Variants in BTNL8 observed in about 807,000 individuals in gnomAD.
BTNL8 encodes butyrophilin-like protein 8.
Under a neutral mutation model 36.1 loss-of-function variants are expected in BTNL8, and 22 were observed. The ratio of observed to expected loss-of-function variants is 0.61; its 90% CI spans 0.44 to 0.87. BTNL8 has a LOEUF of 0.87. Ranked by LOEUF, BTNL8 falls within the 40% of genes least tolerant of loss-of-function variation. The probability of loss-of-function intolerance (pLI) is 0.00; values close to 1 mark genes in which losing one functional copy is unlikely to be tolerated. For missense variants in BTNL8, 526 were observed against 616.9 expected (o/e 0.85, Z 1.56); for synonymous variants, 203 against 235.6 (o/e 0.86, Z 1.27).
intron 3 of BTNL8, among the ~76,000 whole-genome samples, chr5:180,933,437 C>T (rs532202456): frequency 6.6e-6 from 1 of 152,166 alleles, no homozygotes; most frequent in African/African-American, 2.4e-5. Flanking sequence ...GGATTAAACT[C>T]ATAATAAGTA....
intron 3 of BTNL8, among the ~76,000 whole-genome samples, chr5:180,938,544 C>CTT (rs527307483): frequency 7.3e-6 from 1 of 137,318 alleles, no homozygotes; most frequent in African/African-American, 2.8e-5. Context: ...TCCTTTCTTT[C>CTT]TTTTTTTTTT....
intron 1 of BTNL8, among the ~76,000 whole-genome samples, chr5:180,907,900 G>A (rs1419092243): frequency 2.6e-5 from 4 of 151,746 alleles, no homozygotes; most frequent in African/African-American, 9.7e-5. Flanking sequence ...CTGCGTGCTG[G>A]GAGAACCACT....
At chr5:180,902,631 C>T (rs1319177751) in intron 1 of BTNL8, among the ~76,000 whole-genome samples, 2 of 150,234 alleles carry the variant, frequency 1.3e-5, no homozygotes, top group Admixed American at 6.6e-5. Flanking sequence ...CCCACTAACT[C>T]GTCATCTAGC....
rs1339747025 is a variant in BTNL8, at chr5:180,908,989, AGT to A, written c.397+59_397+60del. ...CCAAAGAACCATCCTGGACTTTATA[AGT>A]GTTTTTTTCAATAAGGAAATTTTAA... On this transcript the variant is annotated intron_variant, in intron 2 of 7. Transcript: ENST00000340184. The A allele has an allele frequency of 1.2e-5, 18 of 1,513,594 alleles. No individual in the cohort carries two copies. The Admixed American group carries it at 3.7e-4, about 31-fold the overall frequency. The allele number at this position is 1,513,594 out of a possible 1,614,324, so 93.8% of individuals were successfully genotyped here. A position where few individuals can be genotyped will look rare whatever the true frequency, so the allele number is the denominator to read the frequency against.
chr5:180,906,506 C>G (rs1400505931), intron 1 of BTNL8, among the ~76,000 whole-genome samples: 1 of 124,626 alleles, frequency 8.0e-6, no homozygotes, highest in Non-Finnish European at 1.6e-5. Flanking sequence ...TTAATTGGAG[C>G]ATTTAGTCCA....
intron 3 of BTNL8, among the ~76,000 whole-genome samples, chr5:180,930,278 C>A (rs1272886583): frequency 2.0e-5 from 3 of 152,158 alleles, no homozygotes; most frequent in African/African-American, 7.2e-5. Context: ...GCTAAAAACT[C>A]TCAATAAATT....
intron 1 of BTNL8, among the ~76,000 whole-genome samples, chr5:180,905,890 G>C (rs1301015295): frequency 2.0e-5 from 3 of 148,892 alleles, no homozygotes; most frequent in Non-Finnish European, 3.0e-5. Flanking sequence ...CTGAGAGATA[G>C]TTTGTTATAA....
intron 3 of BTNL8, among the ~76,000 whole-genome samples, chr5:180,918,043 A>G (rs1391089162): frequency 6.6e-6 from 1 of 151,226 alleles, no homozygotes; most frequent in Non-Finnish European, 1.5e-5. Flanking sequence ...AAAAAAAAAA[A>G]GAAATAAACA....
Position 180,911,493 on chromosome 5 carries a change from C to T in BTNL8, c.552C>T (p.Asp184=). Residue 184 remains aspartate (D), a synonymous_variant, in exon 3 of 8, where the codon GAC becomes GAT. Transcript: ENST00000340184. The stretch of plus-strand genomic sequence containing the variant: ...CCACAGACTCCAGGACAAACAGAGA[C>T]ATGCATGGCCTGTTTGATGTGGAGA... ...DLSTDSRTNR[D]MHGLFDVEIS... is the part of the protein sequence containing the mutation. 2 of 1,614,198 alleles carry T rather than the reference C, an allele frequency of 1.2e-6. No individual in the cohort carries two copies. Among genetic ancestry groups the T allele is most frequent in the Non-Finnish European group, 1.7e-6 (2 of 1,180,040 alleles).
chr5:180,905,827 T>G (rs1011138368), intron 1 of BTNL8, among the ~76,000 whole-genome samples: 1 of 151,434 alleles, frequency 6.6e-6, no homozygotes, highest in Non-Finnish European at 1.5e-5. Flanking sequence ...TTCCATGTAG[T>G]TGAGCGGCTT....
At position 180,935,006 on chromosome 5, in the gene BTNL8, T is replaced by TA. The variant is rs1270900280; in HGVS notation, c.674-12505dup. Among the ~76,000 whole-genome samples the TA allele has an allele frequency of 1.3e-5, 2 of 152,138 alleles. No homozygotes were observed. The highest frequency in any genetic ancestry group is 4.8e-5 in the African/African-American group (2 of 41,422). On this transcript the variant is annotated intron_variant, in intron 3 of 7. Transcript: ENST00000340184. The surrounding 1 kb of genome is among the most constrained non-coding windows in gnomAD (Gnocchi z 4.8). ...CAATTCTCAGGAGACCTGAAGTGGG[T>TA]AGCTCCTTTCTGCAGGCAGGTCATC...
At position 180,947,625 on chromosome 5, in the gene BTNL8, T is replaced by G. The variant is rs1436979136; in HGVS notation, c.787T>G (p.Trp263Gly). ...GAAGATTTTCTTCTCCAAATTCCAG[T>G]GTAAGCGAGAGAGAGAAGCATGGGC... ...GLKIFFSKFQ[W>G]KIQAELDWRR... is the part of the protein sequence containing the mutation. The change falls in exon 4 of 8, where the codon TGG becomes GGG. Residue 263 changes from tryptophan (W) to glycine (G), a missense_variant and splice_region_variant. Transcript: ENST00000340184. 2 of 1,614,190 alleles carry G rather than the reference T, an allele frequency of 1.2e-6. No individual in the cohort carries two copies. The highest frequency in any genetic ancestry group is 2.2e-5 in the East Asian group (1 of 44,868).
intron 3 of BTNL8, among the ~76,000 whole-genome samples, chr5:180,922,433 C>T (rs1342369545): frequency 6.6e-6 from 1 of 151,540 alleles, no homozygotes; most frequent in Non-Finnish European, 1.5e-5. Flanking sequence ...TAATTTCTGC[C>T]TTAATTTCAT....
chr5:180,908,751 A>ATG lies in BTNL8; in HGVS notation c.215_216insTG (p.Gln73AlafsTer17). On this transcript the variant is annotated frameshift_variant, in exon 2 of 8. Coordinates refer to ENST00000340184, the MANE Select transcript of BTNL8 (RefSeq NM_001040462.3). LOFTEE classifies it high-confidence loss of function. ...GTCCACCTCTACAGGGACGGGAAGG[A>ATG]CCAGCCATTTATGCAGATGCCACAG... 6.2e-7 allele frequency: 1 copy of ATG among 1,614,154 alleles called. No homozygotes were observed. The highest frequency in any genetic ancestry group is 8.5e-7 in the Non-Finnish European group (1 of 1,180,028).
chr5:180,909,702 G>T, intron 2 of BTNL8: 50 of 313,252 alleles, frequency 1.6e-4, no homozygotes, highest in Non-Finnish European at 1.9e-4. Flanking sequence ...CATATGGTAA[G>T]ACCTCATCTC....
At chr5:180,907,757 G>C (rs1017252942) in intron 1 of BTNL8, among the ~76,000 whole-genome samples, 4 of 152,160 alleles carry the variant, frequency 2.6e-5, no homozygotes, top group East Asian at 1.9e-4. Context: ...CTCAGCTGCA[G>C]GTCTGTTGGA....
At chr5:180,906,129 G>T (rs1757072708) in intron 1 of BTNL8, among the ~76,000 whole-genome samples, 1 of 143,876 alleles carries the variant, frequency 7.0e-6, no homozygotes, top group Admixed American at 6.9e-5. Flanking sequence ...GGGTGTTAAA[G>T]TCTCCCATTA....
intron 3 of BTNL8, among the ~76,000 whole-genome samples, chr5:180,914,280 C>T (rs954131080): frequency 2.1e-4 from 32 of 152,264 alleles, no homozygotes; most frequent in South Asian, 8.3e-4. Context: ...CAGTGTTCAT[C>T]GCCTTCAGGG....
intron 7 of BTNL8, chr5:180,949,513 A>G: frequency 1.7e-6 from 1 of 604,482 alleles, no homozygotes; most frequent in Non-Finnish European, 2.7e-6. Context: ...GCACAGTTTC[A>G]GGGAATTGAG....
Sources: allele counts gnomAD v4.1 joint callset (sites outside exome capture counted in the v4.1 genomes callset), GRCh38; gene constraint gnomAD v4.1.1; non-coding constraint Gnocchi (gnomAD v3.1); transcripts MANE v1.5; gene names NCBI Gene and HGNC (gene_info 2026-07-23, HGNC 2026-07-21).